Variants in PKHD1 observed in about 807,000 individuals in gnomAD.
PKHD1 encodes the protein PKHD1 ciliary IPT domain containing fibrocystin/polyductin, also known as fibrocystin.
A neutral mutation model predicts 412.0 loss-of-function variants in PKHD1; 291 were observed. The observed-to-expected ratio is 0.71, with a 90% CI of 0.64 to 0.78. PKHD1 has a LOEUF of 0.78. Among genes scored for constraint, PKHD1 ranks in the 30% least tolerant of loss-of-function variants. The probability of loss-of-function intolerance (pLI) is 0.00; values close to 1 mark genes in which losing one functional copy is unlikely to be tolerated. For missense variants in PKHD1, 4,825 were observed against 4,950.7 expected (o/e 0.97, Z 0.76); for synonymous variants, 1,777 against 1,821.5 (o/e 0.98, Z 0.62).
At chr6:51,632,369 T>C (rs1433667683) in intron 65 of PKHD1, among the ~76,000 whole-genome samples, 196 bp downstream of exon 65, 2 of 152,192 alleles carry the variant, frequency 1.3e-5, no homozygotes, top group African/African-American at 4.8e-5. Flanking sequence ...TTTATTATTA[T>C]TGCTATTATT....
chr6:52,070,931 CT>C (rs1810518472), intron 9 of PKHD1, 74 bp downstream of exon 9: 3 of 868,472 alleles, frequency 3.5e-6, no homozygotes, highest in Non-Finnish European at 6.0e-6. Context: ...GAGAACCAAT[CT>C]TGCAATTGCT....
At chr6:52,078,406 T>A (rs183179988) in intron 5 of PKHD1, among the ~76,000 whole-genome samples, 2 of 152,292 alleles carry the variant, frequency 1.3e-5, no homozygotes, top group East Asian at 3.9e-4. Context: ...ATGAGAAAGC[T>A]GCAGCCACCA....
chr6:51,629,087 G>T (rs1169134201), intron 65 of PKHD1, among the ~76,000 whole-genome samples: 4 of 151,886 alleles, frequency 2.6e-5, no homozygotes, highest in Non-Finnish European at 5.9e-5. Flanking sequence ...AGATTTAAAT[G>T]TAAGACCCAA....
intron 35 of PKHD1, among the ~76,000 whole-genome samples, chr6:51,984,284 T>C (rs1186981590): frequency 2.0e-5 from 3 of 152,238 alleles, no homozygotes; most frequent in Non-Finnish European, 4.4e-5. Flanking sequence ...TCCTGGTTCA[T>C]TGAATGAAAG....
At chr6:51,717,587 G>A (rs1017119428) in intron 60 of PKHD1, among the ~76,000 whole-genome samples, 4 of 152,124 alleles carry the variant, frequency 2.6e-5, no homozygotes, top group African/African-American at 2.4e-5. Flanking sequence ...TGTAACCCAG[G>A]AGCAATAGCT....
chr6:51,726,873 T>C (rs1387291825), intron 60 of PKHD1, among the ~76,000 whole-genome samples: 1 of 152,190 alleles, frequency 6.6e-6, no homozygotes, highest in African/African-American at 2.4e-5. Context: ...TATGTGAATA[T>C]GGCAAGGGAC....
At chr6:51,959,393 G>C (rs1176112454) in intron 36 of PKHD1, among the ~76,000 whole-genome samples, 1 of 152,006 alleles carries the variant, frequency 6.6e-6, no homozygotes, top group Non-Finnish European at 1.5e-5. Flanking sequence ...ATAAACCCTA[G>C]AGCTATATAG....
At chr6:51,898,828 G>C (rs963037519) in intron 43 of PKHD1, among the ~76,000 whole-genome samples, 20 of 151,332 alleles carry the variant, frequency 1.3e-4, no homozygotes, top group African/African-American at 4.4e-4. Context: ...AAATGATAAA[G>C]GGGATATCAC....
At chr6:51,867,684 A>C (rs1450764526) in intron 48 of PKHD1, among the ~76,000 whole-genome samples, 179 bp downstream of exon 48, 1 of 152,158 alleles carries the variant, frequency 6.6e-6, no homozygotes, top group East Asian at 1.9e-4. Flanking sequence ...CATTTGAGTC[A>C]GCTTAAAACT....
At chr6:51,873,610 C>T (rs1031987113) in intron 46 of PKHD1, among the ~76,000 whole-genome samples, 15 of 152,162 alleles carry the variant, frequency 9.9e-5, no homozygotes, top group Admixed American at 2.6e-4. Context: ...AAACATTTAC[C>T]TTAAAAAGTA....
In PKHD1 at chr6:51,619,289, A is replaced by G; in HGVS notation, c.12017T>C (p.Leu4006Ser). Residue 4006 changes from leucine to serine, a missense_variant, in exon 67 of 67, where the codon TTG (leucine) becomes TCG (serine). By Grantham distance (145) the Leu-to-Ser change is moderately radical. Transcript: ENST00000371117. Reference protein sequence around the residue: ...TGNWKEGQEQLLRYQLAGQNQ... With the variant: ...TGNWKEGQEQSLRYQLAGQNQ... ...TTGGCCTGCCAGCTGGTATCTGAGC[A>G]ACTGCTCTTGGCCCTCCTTCCAGTT... 6.2e-7 allele frequency: 1 copy of G among 1,614,260 alleles called. No individual in the cohort carries two copies. Among genetic ancestry groups the G allele is most frequent in the Non-Finnish European group, 8.5e-7 (1 of 1,180,050 alleles).
chr6:51,657,400 A>G (rs985565819), intron 61 of PKHD1, among the ~76,000 whole-genome samples: 2 of 152,122 alleles, frequency 1.3e-5, no homozygotes, highest in African/African-American at 4.8e-5. Flanking sequence ...CTTATTCGGG[A>G]GAAATTTGTT....
intron 1 of PKHD1, among the ~76,000 whole-genome samples, chr6:52,086,271 C>T (rs1287071871): frequency 1.3e-5 from 2 of 151,328 alleles, no homozygotes; most frequent in East Asian, 2.0e-4. Context: ...CCACCACACC[C>T]GGCTAATTTT....
In PKHD1 at chr6:51,951,311, T is replaced by A. The variant is rs558996198; in HGVS notation, c.5908+8559A>T. On this transcript the variant is annotated intron_variant, in intron 36 of 66. Coordinates refer to ENST00000371117, the MANE Select transcript of PKHD1 (RefSeq NM_138694.4). ...CTTAAAATCTCAAGAAGAAAGCTATTTCTAAGGAGAAATAGAAAAGACAAA... is the reference window on the plus strand; with the variant it reads ...CTTAAAATCTCAAGAAGAAAGCTATATCTAAGGAGAAATAGAAAAGACAAA... Among the ~76,000 whole-genome samples, 30 of 152,228 alleles carry A rather than the reference T, an allele frequency of 2.0e-4. No homozygotes were observed. The East Asian group carries it at 4.8e-3, about 25-fold the overall frequency.
At chr6:51,630,905 T>G (rs1331448150) in intron 65 of PKHD1, among the ~76,000 whole-genome samples, 1 of 152,008 alleles carries the variant, frequency 6.6e-6, no homozygotes, top group Non-Finnish European at 1.5e-5. Flanking sequence ...GTAAAGAAAA[T>G]ATGGGGATAT....
chr6:51,676,535 T>C (rs1322409739), intron 60 of PKHD1, among the ~76,000 whole-genome samples: 2 of 152,178 alleles, frequency 1.3e-5, no homozygotes, highest in Non-Finnish European at 2.9e-5. Context: ...ACAAAATATA[T>C]ACTCATTCTC....
At chr6:51,840,158 G>A (rs1017173480) in intron 50 of PKHD1, among the ~76,000 whole-genome samples, 5 of 151,964 alleles carry the variant, frequency 3.3e-5, no homozygotes, top group African/African-American at 1.2e-4. Context: ...TTCCTCAGAA[G>A]CTGACCTCTT....
chr6:51,920,445 T>C (rs1784515667), intron 37 of PKHD1, among the ~76,000 whole-genome samples: 1 of 152,362 alleles, frequency 6.6e-6, no homozygotes, highest in East Asian at 1.9e-4. Flanking sequence ...TTTGCGTATA[T>C]TGAACCAGCC....
At chr6:51,969,875 T>C (rs1793407280) in intron 35 of PKHD1, among the ~76,000 whole-genome samples, 1 of 152,246 alleles carries the variant, frequency 6.6e-6, no homozygotes, top group Non-Finnish European at 1.5e-5. Context: ...TCTTTGCTAT[T>C]GTGAACAGGG....
Sources: gnomAD v4.1 joint callset for allele counts (sites outside exome capture counted in the v4.1 genomes callset) on GRCh38, gnomAD v4.1.1 for gene constraint, MANE v1.5 for transcripts, NCBI Gene and HGNC (gene_info 2026-07-23, HGNC 2026-07-21) for gene names.